WDFY4: variants seen among roughly 807,000 people sequenced by gnomAD.
WDFY4 encodes the protein WDFY family member 4, also known as WD repeat- and FYVE domain-containing protein 4.
Under a neutral mutation model 351.9 loss-of-function variants are expected in WDFY4, and 169 were observed. The ratio of observed to expected loss-of-function variants is 0.48; its 90% confidence interval spans 0.42 to 0.55. WDFY4 has a LOEUF of 0.55. Ranked by LOEUF, WDFY4 falls within the 20% of genes least tolerant of loss-of-function variation. The probability of loss-of-function intolerance (pLI) is 0.00; values close to 1 mark genes in which losing one functional copy is unlikely to be tolerated. For synonymous variants in WDFY4, 1,622 were observed against 1,574.6 expected, an observed-to-expected ratio of 1.03 and a Z score of -0.71; for missense variants, 3,803 against 3,935.6, an observed-to-expected ratio of 0.97 and a Z score of 0.90.
intron 59 of WDFY4, 91 bp downstream of exon 59, chr10:48,977,070 G>T: frequency 3.9e-6 from 5 of 1,282,942 alleles, no homozygotes; most frequent in Non-Finnish European, 5.0e-6. Context: ...AAACCTGCAG[G>T]TTGCATTTGA....
At chr10:48,871,569 G>T (rs1382410740) in intron 40 of WDFY4, among the ~76,000 whole-genome samples, 1 of 149,832 alleles carries the variant, frequency 6.7e-6, no homozygotes, top group African/African-American at 2.5e-5. Context: ...TTGAACTCCT[G>T]GGCTCAAGAG....
intron 1 of WDFY4, 29 bp from the exon 2 acceptor site, chr10:48,709,687 A>C (rs764041875): frequency 1.2e-5 from 18 of 1,495,652 alleles, no homozygotes; most frequent in Non-Finnish European, 1.6e-5. Flanking sequence ...TGTGACAGGA[A>C]TGTTCACTTC....
At chr10:48,809,795 G>A (rs1268258163) in intron 28 of WDFY4, among the ~76,000 whole-genome samples, 1 of 152,226 alleles carries the variant, frequency 6.6e-6, no homozygotes, top group African/African-American at 2.4e-5. Context: ...AAAGAGGACA[G>A]CCTCTTCTCT....
intron 51 of WDFY4, among the ~76,000 whole-genome samples, chr10:48,948,253 A>G (rs1398160557): frequency 6.6e-6 from 1 of 152,092 alleles, no homozygotes; most frequent in Admixed American, 6.5e-5. Flanking sequence ...AAAATAATAA[A>G]TGTGCTTCCC....
chr10:48,947,072 T>C, intron 51 of WDFY4, 103 bp downstream of exon 51: 1 of 1,011,576 alleles, frequency 9.9e-7, no homozygotes, highest in South Asian at 1.6e-5. Context: ...ACAGGATGCC[T>C]CTGCTAAAAA....
chr10:48,687,611 CTTTTTT>C (rs57413418), intron 1 of WDFY4, among the ~76,000 whole-genome samples: 2 of 101,306 alleles, frequency 2.0e-5, no homozygotes, highest in Non-Finnish European at 3.8e-5. Flanking sequence ...ATAGGCCATT[CTTTTTT>C]TTTTTTTTTT....
intron 12 of WDFY4, among the ~76,000 whole-genome samples, chr10:48,754,604 A>C (rs904398467): frequency 6.6e-6 from 1 of 151,518 alleles, no homozygotes; most frequent in African/African-American, 2.4e-5. Context: ...TATATTATAC[A>C]CAATAATTAT....
chr10:48,774,736 T>C, intron 14 of WDFY4, 64 bp downstream of exon 14: 3 of 1,532,240 alleles, frequency 2.0e-6, no homozygotes, highest in Non-Finnish European at 2.7e-6. Context: ...AGGGCAGGGG[T>C]TGCACAATGG....
intron 11 of WDFY4, 47 bp downstream of exon 11, chr10:48,736,117 C>T (rs1174265819): frequency 5.2e-6 from 8 of 1,541,440 alleles, no homozygotes; most frequent in Non-Finnish European, 7.0e-6. Context: ...TGGATATGCA[C>T]CAAGCGATCC....
At position 48,788,430 on chromosome 10, in the gene WDFY4, A is replaced by G. The variant is rs1282338059; in HGVS notation, c.3809-100A>G. ...GTGACAACATACAAACATCCTCTCA[A>G]TGATTACTTTGCTGTGTGACAGAGA... On this transcript the variant is annotated intron_variant, in intron 20 of 61. Coordinates refer to ENST00000325239, the MANE Select transcript of WDFY4 (RefSeq NM_001394531.1). The G allele has an allele frequency of 1.1e-5, 15 of 1,365,256 alleles. No homozygotes were observed. In the East Asian group the frequency reaches 2.8e-4, roughly 25 times the overall value. The allele number at this position is 1,365,256 out of a possible 1,614,324, so 84.6% of individuals were successfully genotyped here.
intron 40 of WDFY4, among the ~76,000 whole-genome samples, chr10:48,868,666 G>A (rs1043364944): frequency 1.3e-5 from 2 of 152,204 alleles, no homozygotes; most frequent in African/African-American, 4.8e-5. Flanking sequence ...TTGTAGGATT[G>A]CATCCTTTAT....
Position 48,981,391 on chromosome 10 carries a change from C to A in WDFY4, c.9401C>A (p.Ala3134Asp). The A allele has an allele frequency of 6.4e-7, 1 of 1,551,750 alleles. No individual in the cohort carries two copies. The highest frequency in any genetic ancestry group is 8.7e-7 in the Non-Finnish European group (1 of 1,147,012). ...GGCCACAAGTGGGAGAAGAACCTGG[C>A]CTTGAGTCGAGAGCTGGACGTTAGC... ...PRGHKWEKNL[A>D]LSRELDVSIA... is the part of the protein sequence containing the mutation. The change falls in exon 61 of 62, where the codon GCC (alanine) becomes GAC (aspartate). Residue 3134 changes from alanine (A) to aspartate (D), a missense_variant. By Grantham distance (126) the Ala-to-Asp change is moderately radical (BLOSUM62 -2). Coordinates refer to ENST00000325239, the MANE Select transcript of WDFY4 (RefSeq NM_001394531.1).
chr10:48,832,006 A>G (rs2068206044), intron 38 of WDFY4, among the ~76,000 whole-genome samples: 1 of 152,250 alleles, frequency 6.6e-6, no homozygotes, highest in Non-Finnish European at 1.5e-5. Context: ...TGGAGGGAAC[A>G]CACATTCAAA....
chr10:48,873,508 C>T lies in WDFY4; in HGVS notation c.6759C>T (p.Asn2253=). Residue 2253 remains asparagine, a synonymous_variant, in exon 41 of 62, where the codon AAC becomes AAT. Transcript: ENST00000325239. ...KDHVQRRKCG[N]IKAANAWARI... ...CTCCCCAGAGGCGAAAATGTGGCAA[C>T]ATCAAGGCAGCCAACGCCTGGGCCA... 1.3e-6 allele frequency: 2 copies of T among 1,550,570 alleles called. No individual in the cohort carries two copies. Among genetic ancestry groups the T allele is most frequent in the Non-Finnish European group, 1.7e-6 (2 of 1,146,466 alleles).
chr10:48,799,260 G>A (rs1010251223), intron 24 of WDFY4, among the ~76,000 whole-genome samples: 1 of 152,114 alleles, frequency 6.6e-6, no homozygotes, highest in African/African-American at 2.4e-5. Flanking sequence ...ATAAGAACCA[G>A]ATGCTAAAAA....
At chr10:48,787,900 CTTCTTCTTCTT>C (rs2066502345) in intron 20 of WDFY4, among the ~76,000 whole-genome samples, 3 of 27,216 alleles carry the variant, frequency 1.1e-4, no homozygotes, top group Non-Finnish European at 2.1e-4. Flanking sequence ...TCTCCTTCTT[CTTCTTCTTCTT>C]CTTCTTCTTC....
At chr10:48,814,120 C>A in intron 31 of WDFY4, 38 bp downstream of exon 31, 1 of 1,489,328 alleles carries the variant, frequency 6.7e-7, no homozygotes, top group Non-Finnish European at 9.0e-7. Context: ...CGAGGAGGTT[C>A]TGATGGGAAG....
chr10:48,905,089 T>G (rs961288583), intron 47 of WDFY4, among the ~76,000 whole-genome samples: 21 of 152,240 alleles, frequency 1.4e-4, no homozygotes, highest in Admixed American at 1.4e-3. Flanking sequence ...CACCCTTTGA[T>G]GAACCTATTC....
intron 24 of WDFY4, among the ~76,000 whole-genome samples, chr10:48,802,024 G>A (rs1177408598): frequency 6.6e-6 from 1 of 151,792 alleles, no homozygotes; most frequent in Non-Finnish European, 1.5e-5. Flanking sequence ...TAAAAAAAAA[G>A]TCTGGTGCCA....
Sources: gnomAD v4.1 joint callset for allele counts (sites outside exome capture counted in the v4.1 genomes callset) on GRCh38, gnomAD v4.1.1 for gene constraint, MANE v1.5 for transcripts, NCBI Gene and HGNC (gene_info 2026-07-23, HGNC 2026-07-21) for gene names.